The following MRPL47 variants were observed in gnomAD, a reference collection of about 807,000 sequenced individuals.
MRPL47 encodes the protein mitochondrial ribosomal protein L47.
Under a neutral mutation model 34.0 loss-of-function variants are expected in MRPL47, and 31 were observed. The observed-to-expected ratio is 0.91, with a 90% CI of 0.68 to 1.23. The LOEUF is 1.23. Among genes scored for constraint, MRPL47 ranks in the 50% most tolerant of loss-of-function variants. The pLI is 0.00. For missense variants in MRPL47, 328 were observed against 285.8 expected (o/e 1.15, Z -1.07); for synonymous variants, 106 against 101.6 (o/e 1.04, Z -0.26).
chr3:179,588,863 T>C lies in MRPL47; in HGVS notation c.*9A>G. The C allele has an allele frequency of 6.2e-7, 1 of 1,612,010 alleles. No homozygotes were observed. Among genetic ancestry groups the C allele is most frequent in the Non-Finnish European group, 8.5e-7 (1 of 1,179,126 alleles). On this transcript the variant is annotated 3_prime_UTR_variant, in exon 7 of 7. Transcript: ENST00000476781. The stretch of plus-strand genomic sequence containing the variant: ...AAAACAAAATGGTAAATTTAATAGT[T>C]CAGACATCTTAGACAAGACTTGACT...
In MRPL47 at chr3:179,588,338, A is replaced by G. The variant is rs1576862813; in HGVS notation, c.*534T>C. On this transcript the variant is annotated 3_prime_UTR_variant, in exon 7 of 7. Coordinates refer to ENST00000476781, the MANE Select transcript of MRPL47 (RefSeq NM_020409.3). Reference sequence around the variant, plus strand: ...TAGAACTGCTTTTTATTGACTAGTAAAAGTTACTGCCTATGCTTTTTACCT... The same window carrying G: ...TAGAACTGCTTTTTATTGACTAGTAGAAGTTACTGCCTATGCTTTTTACCT... 1 of 227,536 alleles carries G rather than the reference A, an allele frequency of 4.4e-6. No individual in the cohort carries two copies. The highest frequency in any genetic ancestry group is 5.5e-5 in the Admixed American group (1 of 18,106). 14.1% of individuals were successfully genotyped at this position (227,536 alleles called of 1,614,324 possible). A position where few individuals can be genotyped will look rare whatever the true frequency, so the allele number is the denominator to read the frequency against.
intron 6 of MRPL47, among the ~76,000 whole-genome samples, chr3:179,589,625 A>G (rs1202193461): frequency 6.6e-6 from 1 of 152,242 alleles, no homozygotes; most frequent in Non-Finnish European, 1.5e-5. Flanking sequence ...AAATAAGTTT[A>G]TATAAAATAC....
At chr3:179,593,664 A>T in intron 5 of MRPL47, 101 bp downstream of exon 5, 1 of 975,930 alleles carries the variant, frequency 1.0e-6, no homozygotes, top group Non-Finnish European at 1.5e-6. Context: ...CTCTAATATT[A>T]TCTCATATGG....
rs367724197 is a variant in MRPL47 at position 179,588,946 on chromosome 3, C to G, written c.679G>C (p.Glu227Gln). The change falls in exon 7 of 7, where the codon GAG becomes CAG. Residue 227 changes from glutamate (E) to glutamine (Q), a missense_variant. Transcript: ENST00000476781. ...ARIKARKENL[E>Q]RKKAKILLKK... Reference sequence around the variant, plus strand: ...AAAAGAATTTTTGCTTTCTTTCTCTCTAAATTTTCCTTCCGTGCTTTGATG... The same window carrying G: ...AAAAGAATTTTTGCTTTCTTTCTCTGTAAATTTTCCTTCCGTGCTTTGATG... 9.3e-6 allele frequency: 15 copies of G among 1,613,704 alleles called. No homozygotes were observed. The East Asian group carries it at 2.0e-4, about 22-fold the overall frequency.
At chr3:179,592,110 G>A (rs1718686972) in intron 6 of MRPL47, among the ~76,000 whole-genome samples, 1 of 152,194 alleles carries the variant, frequency 6.6e-6, no homozygotes, top group African/African-American at 2.4e-5. Flanking sequence ...TGGGATTACA[G>A]GCATGAGCCA....
intron 4 of MRPL47, among the ~76,000 whole-genome samples, chr3:179,597,160 T>C (rs1448766346): frequency 6.6e-6 from 1 of 152,240 alleles, no homozygotes; most frequent in African/African-American, 2.4e-5. Flanking sequence ...CTTGTAATTT[T>C]TCTGTGAGTC....
At chr3:179,598,511 T>C (rs576934067) in intron 4 of MRPL47, among the ~76,000 whole-genome samples, 164 bp downstream of exon 4, 2 of 151,444 alleles carry the variant, frequency 1.3e-5, no homozygotes, top group Admixed American at 6.6e-5. Flanking sequence ...TTAGGGGCGA[T>C]GGAAATGTTT....
intron 4 of MRPL47, among the ~76,000 whole-genome samples, 179 bp from the exon 5 acceptor site, chr3:179,594,074 T>C (rs1048976680): frequency 1.3e-5 from 2 of 152,236 alleles, no homozygotes; most frequent in Non-Finnish European, 1.5e-5. Context: ...GGTGTCTAGA[T>C]TACCACTTTC....
chr3:179,592,174 A>G (rs978754569), intron 6 of MRPL47, among the ~76,000 whole-genome samples: 5 of 149,754 alleles, frequency 3.3e-5, no homozygotes, highest in African/African-American at 9.9e-5. Context: ...TATGACTTCA[A>G]TTTTCTTTTT....
In MRPL47 at chr3:179,592,716, A is replaced by T. The variant is rs1718704535; in HGVS notation, c.557T>A (p.Ile186Lys). The stretch of plus-strand genomic sequence containing the variant: ...GTATCTTTTATTTAGGTGCCAAGGT[A>T]TAACCCACTGCTTGAACTTGTGCCT... ...IIWHKFKQWV[I>K]PWHLNKRYNR... Residue 186 changes from isoleucine (I) to lysine (K), a missense_variant, in exon 6 of 7, where the codon ATA becomes AAA. Coordinates refer to ENST00000476781, the MANE Select transcript of MRPL47 (RefSeq NM_020409.3). 1 of 1,613,656 alleles carries T rather than the reference A, an allele frequency of 6.2e-7. No homozygotes were observed. The highest frequency in any genetic ancestry group is 1.6e-4 in the Middle Eastern group (1 of 6,084).
intron 4 of MRPL47, among the ~76,000 whole-genome samples, chr3:179,595,095 G>T (rs1255651267): frequency 6.6e-6 from 1 of 152,120 alleles, no homozygotes; most frequent in Non-Finnish European, 1.5e-5. Flanking sequence ...AGCCAGGCTG[G>T]AGTGCAGTGG....
intron 1 of MRPL47, 80 bp downstream of exon 1, chr3:179,604,447 T>C: frequency 7.4e-7 from 1 of 1,359,672 alleles, no homozygotes; most frequent in Non-Finnish European, 1.0e-6. Flanking sequence ...CTTGAGTTGT[T>C]CTCGGCATCT....
chr3:179,590,633 A>G (rs1718652834), intron 6 of MRPL47, among the ~76,000 whole-genome samples: 1 of 151,794 alleles, frequency 6.6e-6, no homozygotes, highest in Non-Finnish European at 1.5e-5. Context: ...GGAGGAAAAG[A>G]GTTTAAGATT....
intron 6 of MRPL47, among the ~76,000 whole-genome samples, chr3:179,589,737 G>A (rs1362765247): frequency 6.6e-6 from 1 of 152,096 alleles, no homozygotes; most frequent in African/African-American, 2.4e-5. Context: ...AGAAAATTGA[G>A]ATAACACGTA....
chr3:179,593,727 A>G, intron 5 of MRPL47, 38 bp downstream of exon 5: 1 of 1,573,828 alleles, frequency 6.4e-7, no homozygotes, highest in Non-Finnish European at 8.6e-7. Context: ...ATGGATTTCC[A>G]CTCTCATCTT....
chr3:179,592,429 C>T (rs1718695507), intron 6 of MRPL47, among the ~76,000 whole-genome samples: 1 of 149,814 alleles, frequency 6.7e-6, no homozygotes, highest in African/African-American at 2.5e-5. Context: ...CGCCTGACCT[C>T]GTGATCCACC....
chr3:179,592,967 AG>A (rs777292716), intron 5 of MRPL47, among the ~76,000 whole-genome samples: 1 of 152,220 alleles, frequency 6.6e-6, no homozygotes, highest in Non-Finnish European at 1.5e-5. Flanking sequence ...TCAAGAGTAC[AG>A]GGAAGGTCTC....
intron 6 of MRPL47, among the ~76,000 whole-genome samples, chr3:179,591,727 TTAACA>T (rs1488171609): frequency 1.3e-5 from 2 of 152,260 alleles, no homozygotes; most frequent in African/African-American, 4.8e-5. Flanking sequence ...GACCTTCATT[TTAACA>T]TAACAGTAGA....
intron 4 of MRPL47, among the ~76,000 whole-genome samples, chr3:179,594,323 G>C (rs1718744910): frequency 6.6e-6 from 1 of 152,220 alleles, no homozygotes; most frequent in African/African-American, 2.4e-5. Context: ...ATTGTGGCCT[G>C]CTTGGTAGCT....
Sources: gnomAD v4.1 joint callset for allele counts (sites outside exome capture counted in the v4.1 genomes callset) on GRCh38, gnomAD v4.1.1 for gene constraint, MANE v1.5 for transcripts, NCBI Gene and HGNC (gene_info 2026-07-23, HGNC 2026-07-21) for gene names.